CEBPZ: variants seen among roughly 807,000 people sequenced by gnomAD.
The protein encoded by CEBPZ is CCAAT enhancer binding protein zeta.
CEBPZ carries 78 observed loss-of-function variants against 104.5 expected under a neutral mutation model. The observed-to-expected ratio is 0.75, with a 90% confidence interval of 0.62 to 0.90. The LOEUF (loss-of-function observed/expected upper bound fraction) is 0.90, where lower values mean the gene tolerates loss of function less well. CEBPZ is among the 40% of genes least tolerant of loss of function. The probability of loss-of-function intolerance (pLI) is 0.00; values close to 1 mark genes in which losing one functional copy is unlikely to be tolerated. For missense variants in CEBPZ, 1,439 were observed against 1,233.5 expected (o/e 1.17, Z -2.50); for synonymous variants, 470 against 427.0 (o/e 1.10, Z -1.24).
chr2:37,216,219 A>G lies in CEBPZ; in HGVS notation c.2312-11T>C, dbSNP rs1466130554. 1 of 1,611,384 alleles carries G rather than the reference A, an allele frequency of 6.2e-7. No homozygotes were observed. The highest frequency in any genetic ancestry group is 8.5e-7 in the Non-Finnish European group (1 of 1,178,630). ...CACTATCTGTGTTTTCTGAAATGTA[A>G]AATTATGACAGTATAATGCAAAACC... On this transcript the variant is annotated splice_polypyrimidine_tract_variant and intron_variant, in intron 7 of 15. Transcript: ENST00000234170.
rs747679706 is a variant in CEBPZ, at chr2:37,228,600, G to C, written c.593C>G (p.Pro198Arg). ...YSNEYSLKPQ[P>R]QDVVSKYKTL... is the part of the protein sequence containing the mutation. Reference sequence around the variant, plus strand: ...TTTGTACTTAGATACAACATCCTGAGGCTGGGGTTTCAAAGAATATTCATT... The same window carrying C: ...TTTGTACTTAGATACAACATCCTGACGCTGGGGTTTCAAAGAATATTCATT... The change falls in exon 2 of 16, where the codon CCT (proline) becomes CGT (arginine). Residue 198 changes from proline (P) to arginine (R), a missense_variant. Pro to Arg is a moderately radical substitution (Grantham distance 103, BLOSUM62 -2). Transcript: ENST00000234170. The C allele has an allele frequency of 1.2e-5, 19 of 1,614,042 alleles. No homozygotes were observed. The East Asian group carries it at 2.7e-4, about 23-fold the overall frequency.
intron 11 of CEBPZ, 49 bp downstream of exon 11, chr2:37,212,286 A>G (rs1009997517): frequency 1.3e-6 from 2 of 1,529,528 alleles, no homozygotes; most frequent in Non-Finnish European, 1.8e-6. Flanking sequence ...AGGGACAACA[A>G]TTTGGGAAAT....
chr2:37,202,636 C>G lies in CEBPZ; in HGVS notation c.3025+148G>C, dbSNP rs146531594. 608 of 389,212 alleles carry G rather than the reference C, an allele frequency of 1.6e-3. 4 individuals are homozygous for G. In the East Asian group the frequency reaches 0.024, roughly 15 times the overall value. The allele number at this position is 389,212 out of a possible 1,614,324, so 24.1% of individuals were successfully genotyped here. On this transcript the variant is annotated intron_variant, in intron 15 of 15. Transcript: ENST00000234170. ...TTCCAACCTGGGCAAGGGAGTGAGACGCTGTCTCAAAAAAAAAAAAAAAAA... is the reference window on the plus strand; with the variant it reads ...TTCCAACCTGGGCAAGGGAGTGAGAGGCTGTCTCAAAAAAAAAAAAAAAAA...
intron 13 of CEBPZ, chr2:37,204,277 A>ATTTTTTTTTTTTTTTTTTTTTTTTT (rs531479622): frequency 9.1e-6 from 1 of 109,300 alleles, no homozygotes; most frequent in Non-Finnish European, 1.9e-5. Flanking sequence ...CTAATTTTTG[A>ATTTTTTTTTTTTTTTTTTTTTTTTT]TTTTTTTTTT....
chr2:37,223,055 T>C (rs1664806044), intron 3 of CEBPZ, 115 bp downstream of exon 3: 1 of 814,016 alleles, frequency 1.2e-6, no homozygotes, highest in African/African-American at 1.7e-5. Flanking sequence ...ATTCCAGAAC[T>C]CACACTCATA....
intron 10 of CEBPZ, among the ~76,000 whole-genome samples, chr2:37,213,166 C>T (rs1677781544): frequency 6.6e-6 from 1 of 152,200 alleles, no homozygotes; most frequent in Non-Finnish European, 1.5e-5. Flanking sequence ...ATCAAAATTT[C>T]TGTAGCTCTG....
Position 37,228,654 on chromosome 2 carries a change from C to T in CEBPZ, c.539G>A (p.Gly180Glu), listed in dbSNP as rs766192436. ...FERQTLLLRP[G>E]GKWYDLEYSN... is the part of the protein sequence containing the mutation. ...GTACTCCAGATCATACCATTTGCCT[C>T]CAGGCCTAAGTAACAAAGTCTGTCT... is the stretch of plus-strand genomic sequence containing the variant. The change falls in exon 2 of 16, where the codon GGA (glycine) becomes GAA (glutamate). Residue 180 changes from glycine to glutamate, a missense_variant. Physicochemically the swap from Gly to Glu is moderately conservative, Grantham distance 98 (BLOSUM62 -2). Transcript: ENST00000234170. The T allele has an allele frequency of 2.6e-5, 42 of 1,614,030 alleles. No individual in the cohort carries two copies. In the Middle Eastern group the frequency reaches 6.6e-4, roughly 25 times the overall value.
intron 8 of CEBPZ, 152 bp downstream of exon 8, chr2:37,215,988 G>T: frequency 1.5e-5 from 7 of 463,712 alleles, no homozygotes; most frequent in East Asian, 3.8e-5. Flanking sequence ...AGATACAGTA[G>T]ATTTAAGAAT....
At chr2:37,229,930 G>A (rs1382525042) in intron 1 of CEBPZ, among the ~76,000 whole-genome samples, 1 of 152,108 alleles carries the variant, frequency 6.6e-6, no homozygotes, top group Non-Finnish European at 1.5e-5. Context: ...CTGGACTCAA[G>A]GTATCCTCCC....
chr2:37,230,869 CTCATTTAAT>C (rs1665058298), intron 1 of CEBPZ, among the ~76,000 whole-genome samples: 1 of 152,210 alleles, frequency 6.6e-6, no homozygotes, highest in African/African-American at 2.4e-5. Context: ...TGTCGATCAT[CTCATTTAAT>C]ACTAACGCGC....
At chr2:37,220,017 G>A (rs1212690399) in intron 5 of CEBPZ, among the ~76,000 whole-genome samples, 2 of 152,036 alleles carry the variant, frequency 1.3e-5, no homozygotes, top group African/African-American at 4.8e-5. Flanking sequence ...ACATCCTCAA[G>A]GGCAAAAATA....
At chr2:37,226,232 C>T (rs1399830235) in intron 2 of CEBPZ, among the ~76,000 whole-genome samples, 4 of 152,126 alleles carry the variant, frequency 2.6e-5, no homozygotes, top group South Asian at 2.1e-4. Context: ...CCAAATCTCT[C>T]GTCCCACCTT....
At chr2:37,225,081 CA>C (rs1664851076) in intron 2 of CEBPZ, among the ~76,000 whole-genome samples, 1 of 151,980 alleles carries the variant, frequency 6.6e-6, no homozygotes, top group Non-Finnish European at 1.5e-5. Flanking sequence ...CTAACAAAAA[CA>C]AAACTCAAGA....
chr2:37,210,236 A>G (rs1035909030), intron 13 of CEBPZ: 6 of 152,246 alleles, frequency 3.9e-5, no homozygotes, highest in Non-Finnish European at 7.3e-5. Flanking sequence ...TAAAGAACTG[A>G]AAGTAGAACT....
rs548340291 is a variant in CEBPZ at position 37,201,839 on chromosome 2, A to G, written c.3090T>C (p.Ser1030=). Residue 1030 remains serine (S), a synonymous_variant, in exon 16 of 16, where the codon AGT becomes AGC. Transcript: ENST00000234170. ...DDWLHNRDAK[S]IIKKKKHFKK... ...TAAAATGTTTCTTTTTCTTGATGATACTTTTTGCATCTCTGTTGTGTAGCC... is the reference window on the plus strand; with the variant it reads ...TAAAATGTTTCTTTTTCTTGATGATGCTTTTTGCATCTCTGTTGTGTAGCC... The G allele has an allele frequency of 3.0e-5, 48 of 1,611,750 alleles. No individual in the cohort carries two copies. Among genetic ancestry groups the G allele is most frequent in the African/African-American group, 8.0e-5 (6 of 74,930 alleles).
chr2:37,210,932 C>T (rs1220525903), intron 13 of CEBPZ, 67 bp downstream of exon 13: 6 of 1,021,698 alleles, frequency 5.9e-6, no homozygotes, highest in African/African-American at 5.0e-5. Flanking sequence ...GAGTTCATTT[C>T]CCAAAATGAT....
At chr2:37,214,318 T>G (rs1417237665) in intron 9 of CEBPZ, among the ~76,000 whole-genome samples, 1 of 152,126 alleles carries the variant, frequency 6.6e-6, no homozygotes, top group African/African-American at 2.4e-5. Flanking sequence ...GTCAACCAGA[T>G]GAGATAAGAG....
chr2:37,229,102 A>G, intron 1 of CEBPZ, 66 bp from the exon 2 acceptor site: 1 of 1,278,964 alleles, frequency 7.8e-7, no homozygotes, highest in Non-Finnish European at 1.0e-6. Flanking sequence ...AAATAATAGG[A>G]AACACAACAT....
intron 2 of CEBPZ, among the ~76,000 whole-genome samples, chr2:37,226,254 C>T (rs1160777590): frequency 6.6e-6 from 1 of 151,998 alleles, no homozygotes; most frequent in African/African-American, 2.4e-5. Context: ...CGAGAAACAC[C>T]CACAGGTGTG....
Sources: allele counts gnomAD v4.1 joint callset (sites outside exome capture counted in the v4.1 genomes callset), GRCh38; gene constraint gnomAD v4.1.1; transcripts MANE v1.5; gene names NCBI Gene and HGNC (gene_info 2026-07-23, HGNC 2026-07-21).